Variants in SLC24A2 observed in about 807,000 individuals in gnomAD.
SLC24A2 encodes sodium/potassium/calcium exchanger 2.
In SLC24A2, 36 loss-of-function variants were observed where a neutral mutation model predicts 62.0. That is an observed-to-expected ratio of 0.58 (90% CI 0.44 to 0.77). The LOEUF (loss-of-function observed/expected upper bound fraction) is 0.77, where lower values mean the gene tolerates loss of function less well. Ranked by LOEUF, SLC24A2 falls within the 30% of genes least tolerant of loss-of-function variation. The pLI is 0.00. For missense variants in SLC24A2, 846 were observed against 817.9 expected (o/e 1.03, Z -0.42); for synonymous variants, 358 against 294.0 (o/e 1.22, Z -2.23).
At chr9:19,923,792 G>T in the SLC24A2 span, among the ~76,000 whole-genome samples, 2 of 152,170 alleles carry the variant, frequency 1.3e-5, no homozygotes, top group African/African-American at 4.8e-5. Context: ...TTGTTGCCCA[G>T]GCTGGAGTGC....
At chr9:20,103,532 G>A in the SLC24A2 span, among the ~76,000 whole-genome samples, 6 of 152,138 alleles carry the variant, frequency 3.9e-5, no homozygotes, top group African/African-American at 1.4e-4. Flanking sequence ...AACAGCATTC[G>A]TGGTTTATGA....
At chr9:19,567,573 A>C (rs888452345) in intron 7 of SLC24A2, among the ~76,000 whole-genome samples, 2 of 150,436 alleles carry the variant, frequency 1.3e-5, no homozygotes, top group African/African-American at 4.9e-5. Flanking sequence ...AAGGTAAGGA[A>C]TATGTTCTTA....
At chr9:19,644,134 T>G (rs1198433752) in intron 2 of SLC24A2, among the ~76,000 whole-genome samples, 1 of 152,166 alleles carries the variant, frequency 6.6e-6, no homozygotes, top group Non-Finnish European at 1.5e-5. Flanking sequence ...AAGGAAAAGA[T>G]TTACATGTTG....
the SLC24A2 span, among the ~76,000 whole-genome samples, chr9:19,941,586 TGTGTGAGA>T: frequency 1.2e-3 from 149 of 129,468 alleles, no homozygotes; most frequent in African/African-American, 4.3e-3. Context: ...TGTGTGTGTG[TGTGTGAGA>T]GAGAGAGAGA....
At chr9:19,668,866 T>A (rs1819332848) in intron 2 of SLC24A2, among the ~76,000 whole-genome samples, 1 of 152,214 alleles carries the variant, frequency 6.6e-6, no homozygotes, top group Non-Finnish European at 1.5e-5. Flanking sequence ...CATTTTTCTG[T>A]GACCATAGCC....
At chr9:19,649,770 A>G (rs1564017375) in intron 2 of SLC24A2, among the ~76,000 whole-genome samples, 1 of 152,274 alleles carries the variant, frequency 6.6e-6, no homozygotes, top group Non-Finnish European at 1.5e-5. Context: ...CTACTGGCAC[A>G]GAAAGAACTT....
At chr9:19,581,970 T>C (rs1416950464) in intron 5 of SLC24A2, among the ~76,000 whole-genome samples, 1 of 152,216 alleles carries the variant, frequency 6.6e-6, no homozygotes. Flanking sequence ...GATATTTGTA[T>C]AGTTAAAAAT....
At chr9:20,276,340 G>T in the SLC24A2 span, among the ~76,000 whole-genome samples, 25 of 152,208 alleles carry the variant, frequency 1.6e-4, no homozygotes, top group African/African-American at 6.0e-4. Flanking sequence ...AAATCCAGCT[G>T]GGCAGGCAAA....
chr9:20,164,929 A>T, the SLC24A2 span, among the ~76,000 whole-genome samples: 3 of 146,096 alleles, frequency 2.1e-5, no homozygotes, highest in African/African-American at 7.6e-5. Flanking sequence ...GTGGGAATTG[A>T]ACAATGAGAA....
chr9:20,234,516 C>T, the SLC24A2 span, among the ~76,000 whole-genome samples: 1 of 152,190 alleles, frequency 6.6e-6, no homozygotes, highest in Non-Finnish European at 1.5e-5. Context: ...CAGTTGATCG[C>T]ATCAGCTACT....
chr9:19,611,636 T>C (rs568404379), intron 4 of SLC24A2, among the ~76,000 whole-genome samples: 115 of 152,030 alleles, frequency 7.6e-4, no homozygotes, highest in Non-Finnish European at 1.4e-3. Flanking sequence ...ATGGACAAGT[T>C]TGGGGCATGC....
At chr9:19,635,275 C>A (rs143428357) in intron 2 of SLC24A2, among the ~76,000 whole-genome samples, 1 of 152,298 alleles carries the variant, frequency 6.6e-6, no homozygotes, top group African/African-American at 2.4e-5. Context: ...GGAAAAATGA[C>A]ATGAGAAATA....
intron 4 of SLC24A2, among the ~76,000 whole-genome samples, chr9:19,608,758 AATCT>A (rs1262436087): frequency 1.3e-5 from 2 of 150,354 alleles, no homozygotes; most frequent in Non-Finnish European, 3.0e-5. Context: ...CCTGCACTGA[AATCT>A]CTCTCTCTCT....
At chr9:20,044,686 AG>A in the SLC24A2 span, among the ~76,000 whole-genome samples, 1 of 152,226 alleles carries the variant, frequency 6.6e-6, no homozygotes, top group Non-Finnish European at 1.5e-5. Flanking sequence ...GGAGCTATAA[AG>A]CTCCAAAGAA....
chr9:20,171,422 G>T, the SLC24A2 span, among the ~76,000 whole-genome samples: 1 of 151,970 alleles, frequency 6.6e-6, no homozygotes, highest in Non-Finnish European at 1.5e-5. Flanking sequence ...GTACAGAATT[G>T]CAGAATGGAT....
At chr9:20,222,876 C>A in the SLC24A2 span, among the ~76,000 whole-genome samples, 2 of 152,128 alleles carry the variant, frequency 1.3e-5, no homozygotes, top group Non-Finnish European at 1.5e-5. Flanking sequence ...AAGCATTTCA[C>A]CTGCTGTGAC....
chr9:20,154,101 C>T, the SLC24A2 span, among the ~76,000 whole-genome samples: 1 of 151,822 alleles, frequency 6.6e-6, no homozygotes, highest in South Asian at 2.1e-4. Context: ...ACTGTTACTC[C>T]AGTTGTTTGA....
chr9:20,236,193 C>G, the SLC24A2 span, among the ~76,000 whole-genome samples: 7 of 152,176 alleles, frequency 4.6e-5, no homozygotes, highest in Non-Finnish European at 7.3e-5. Flanking sequence ...AATCATTTCT[C>G]CAAAAGAGAA....
chr9:20,221,917 G>C, the SLC24A2 span, among the ~76,000 whole-genome samples: 4 of 151,974 alleles, frequency 2.6e-5, no homozygotes, highest in African/African-American at 7.2e-5. Flanking sequence ...AAATTATTAA[G>C]ATTTACCTCA....
Sources: allele counts gnomAD v4.1 joint callset (sites outside exome capture counted in the v4.1 genomes callset), GRCh38; gene constraint gnomAD v4.1.1; transcripts MANE v1.5; gene names NCBI Gene and HGNC (gene_info 2026-07-23, HGNC 2026-07-21).